ANKS6: variants seen among roughly 807,000 people sequenced by gnomAD.
The protein encoded by ANKS6 is ankyrin repeat and SAM domain-containing protein 6.
ANKS6 carries 47 observed loss-of-function variants against 77.9 expected under a neutral mutation model. That is an observed-to-expected ratio of 0.60 (90% confidence interval 0.48 to 0.77). The LOEUF (loss-of-function observed/expected upper bound fraction) is 0.77, where lower values mean the gene tolerates loss of function less well. Among genes scored for constraint, ANKS6 ranks in the 30% least tolerant of loss-of-function variants. The probability of loss-of-function intolerance (pLI) is 0.00; values close to 1 mark genes in which losing one functional copy is unlikely to be tolerated. For synonymous variants in ANKS6, 488 were observed against 501.7 expected (o/e 0.97, Z 0.37); for missense variants, 1,150 against 1,159.1 (o/e 0.99, Z 0.11).
At chr9:98,793,755 G>C (rs1341150950) in intron 1 of ANKS6, among the ~76,000 whole-genome samples, 1 of 151,272 alleles carries the variant, frequency 6.6e-6, no homozygotes, top group South Asian at 2.1e-4. Flanking sequence ...GGCTGGTCTC[G>C]ATCTCCTGAC....
intron 10 of ANKS6, among the ~76,000 whole-genome samples, chr9:98,770,613 G>GA (rs1833565847): frequency 1.3e-5 from 2 of 151,672 alleles, no homozygotes; most frequent in African/African-American, 4.8e-5. Context: ...TAAACACCAT[G>GA]AAAACATCAT....
chr9:98,760,639 T>C (rs1435220292), intron 11 of ANKS6, among the ~76,000 whole-genome samples: 1 of 152,226 alleles, frequency 6.6e-6, no homozygotes, highest in Non-Finnish European at 1.5e-5. Context: ...ATAAATGGAA[T>C]CACACAATTT....
At chr9:98,740,870 C>CT (rs1334765411) in intron 14 of ANKS6, among the ~76,000 whole-genome samples, 1 of 152,084 alleles carries the variant, frequency 6.6e-6, no homozygotes, top group Non-Finnish European at 1.5e-5. Context: ...AACAAGGTAC[C>CT]TTTTTTTGCC....
intron 13 of ANKS6, among the ~76,000 whole-genome samples, chr9:98,750,276 CT>C (rs11299948): frequency 0.67 from 101,727 of 151,770 alleles, 34,610 homozygotes; most frequent in Non-Finnish European, 0.73. Context: ...AAAGCACACC[CT>C]ACGTGCCTTT....
rs1831232121 is a variant in ANKS6 at position 98,732,058 on chromosome 9, T to C, written c.*4461A>G. 5.3e-6 allele frequency: 1 copy of C among 188,914 alleles called. No individual in the cohort carries two copies. The highest frequency in any genetic ancestry group is 1.1e-5 in the Non-Finnish European group (1 of 89,902). 11.7% of individuals were successfully genotyped at this position (188,914 alleles called of 1,614,324 possible). ...TATTAGGGAAAACATCAGGTCTCTT[T>C]ACACGTTGAACAGGAACTGCTGGTT... is the stretch of plus-strand genomic sequence containing the variant. On this transcript the variant is annotated 3_prime_UTR_variant, in exon 15 of 15. Coordinates refer to ENST00000353234, the MANE Select transcript of ANKS6 (RefSeq NM_173551.5).
In ANKS6 at chr9:98,767,478, C is replaced by A. The variant is rs1395351810; in HGVS notation, c.2142+603G>T. ...CAGCATCCTTCCTGCTCCACAACAA[C>A]CCCTATCACACTGAGCTGTGACTGC... On this transcript the variant is annotated intron_variant, in intron 11 of 14. Coordinates refer to ENST00000353234, the MANE Select transcript of ANKS6 (RefSeq NM_173551.5). Among the ~76,000 whole-genome samples the A allele has an allele frequency of 2.0e-5, 3 of 152,200 alleles. No homozygotes were observed. In the East Asian group the frequency reaches 5.8e-4, roughly 29 times the overall value.
In ANKS6 at chr9:98,768,066, A is replaced by C. The variant is rs141405901; in HGVS notation, c.2142+15T>G. On this transcript the variant is annotated intron_variant, in intron 11 of 14. Transcript: ENST00000353234. ...TCTGTGAGTGTAACAGGAGGAGGCC[A>C]CACAAAACAAGCACCTTGCCAACAG... 6.3e-7 allele frequency: 1 copy of C among 1,596,668 alleles called. No individual in the cohort carries two copies. Among genetic ancestry groups the C allele is most frequent in the African/African-American group, 1.3e-5 (1 of 74,892 alleles).
In ANKS6 at chr9:98,768,268, G is replaced by A. The variant is rs746201923; in HGVS notation, c.1973-18C>T. The A allele has an allele frequency of 3.1e-6, 5 of 1,613,422 alleles. No individual in the cohort carries two copies. The South Asian group carries it at 5.5e-5, about 18-fold the overall frequency. ...GCTGCCACCTGAGGAAACACAAAATGAGTGAACACCATGGGCACAGAGGGC... is the reference window on the plus strand; with the variant it reads ...GCTGCCACCTGAGGAAACACAAAATAAGTGAACACCATGGGCACAGAGGGC... On this transcript the variant is annotated intron_variant, in intron 10 of 14. Coordinates refer to ENST00000353234, the MANE Select transcript of ANKS6 (RefSeq NM_173551.5).
chr9:98,786,785 G>T (rs1453932538), intron 2 of ANKS6, among the ~76,000 whole-genome samples: 1 of 152,202 alleles, frequency 6.6e-6, no homozygotes, highest in Non-Finnish European at 1.5e-5. Context: ...TCACAGAAAA[G>T]AGTGTCACCT....
intron 1 of ANKS6, 197 bp downstream of exon 1, chr9:98,795,936 A>G (rs1835149441): frequency 1.9e-6 from 1 of 536,402 alleles, no homozygotes. Context: ...AATTTCTAAG[A>G]ATCTGATTTT....
Position 98,734,816 on chromosome 9 carries a change from CA to C in ANKS6, c.*1702del, listed in dbSNP as rs1831404699. 1.0e-6 allele frequency: 1 copy of C among 985,432 alleles called. No individual in the cohort carries two copies. Among genetic ancestry groups the C allele is most frequent in the South Asian group, 4.7e-5 (1 of 21,286 alleles). The allele number at this position is 985,432 out of a possible 1,614,324, so 61.0% of individuals were successfully genotyped here. ...GTGTGTCTCCTTAAAAAGGCTGGGA[CA>C]TTAGTAACCTTTGTAAAGGTGTCTA... On this transcript the variant is annotated 3_prime_UTR_variant, in exon 15 of 15. Coordinates refer to ENST00000353234, the MANE Select transcript of ANKS6 (RefSeq NM_173551.5).
chr9:98,772,618 G>C (rs1833702663), intron 9 of ANKS6, among the ~76,000 whole-genome samples: 1 of 152,200 alleles, frequency 6.6e-6, no homozygotes, highest in African/African-American at 2.4e-5. Context: ...GCACTCCTAA[G>C]GGAGGGACAG....
At chr9:98,748,249 C>A (rs1286444808) in intron 13 of ANKS6, among the ~76,000 whole-genome samples, 1 of 152,320 alleles carries the variant, frequency 6.6e-6, no homozygotes, top group South Asian at 2.1e-4. Context: ...CCAATTCTGA[C>A]CTCCGTCAAC....
In ANKS6 at chr9:98,796,542, C is replaced by G. The variant is rs1835190577; in HGVS notation, c.-51G>C. On this transcript the variant is annotated 5_prime_UTR_variant, in exon 1 of 15. Coordinates refer to ENST00000353234, the MANE Select transcript of ANKS6 (RefSeq NM_173551.5). Reference sequence around the variant, plus strand: ...CCGTCCGCCCCGCCGGCCGCGTCGGCTCCGCCCCCGGATACCGCCCGCAGG... The same window carrying G: ...CCGTCCGCCCCGCCGGCCGCGTCGGGTCCGCCCCCGGATACCGCCCGCAGG... The G allele has an allele frequency of 1.0e-6, 1 of 969,254 alleles. No individual in the cohort carries two copies. The highest frequency in any genetic ancestry group is 1.2e-6 in the Non-Finnish European group (1 of 816,134). 60.0% of individuals were successfully genotyped at this position (969,254 alleles called of 1,614,324 possible).
Position 98,736,320 on chromosome 9 carries a change from G to A in ANKS6, c.*199C>T, listed in dbSNP as rs75690065. 2.3e-3 allele frequency: 3,203 copies of A among 1,411,292 alleles called. 56 individuals carry two copies. In the African/African-American group the frequency reaches 0.042, roughly 19 times the overall value. 87.4% of individuals were successfully genotyped at this position (1,411,292 alleles called of 1,614,324 possible). On this transcript the variant is annotated 3_prime_UTR_variant, in exon 15 of 15. Coordinates refer to ENST00000353234, the MANE Select transcript of ANKS6 (RefSeq NM_173551.5). The stretch of plus-strand genomic sequence containing the variant: ...GCACCCCCACTGGACTGTTACATGG[G>A]AATCTGTCTCTGTGTGTTGAAGTTT...
At chr9:98,775,247 T>C (rs1833864555) in intron 8 of ANKS6, among the ~76,000 whole-genome samples, 1 of 152,218 alleles carries the variant, frequency 6.6e-6, no homozygotes, top group Non-Finnish European at 1.5e-5. Flanking sequence ...TTCACAACCT[T>C]TGACCCAGGA....
intron 2 of ANKS6, among the ~76,000 whole-genome samples, chr9:98,787,791 A>T (rs1042475209): frequency 1.3e-5 from 2 of 152,244 alleles, no homozygotes; most frequent in African/African-American, 4.8e-5. Flanking sequence ...CCACCCAGGT[A>T]CAGAGTGGGA....
intron 6 of ANKS6, 138 bp from the exon 7 acceptor site, chr9:98,778,562 T>C (rs1395403526): frequency 1.3e-6 from 1 of 744,084 alleles, no homozygotes; most frequent in African/African-American, 1.8e-5. Context: ...CAGACATTAC[T>C]GATCAATGAT....
chr9:98,791,797 CTCTG>C lies in ANKS6; in HGVS notation c.360-1195_360-1192del, dbSNP rs1293893950. On this transcript the variant is annotated intron_variant, in intron 1 of 14. Transcript: ENST00000353234. This position sits in a 1 kb window ranked among gnomAD's most constrained non-coding sequence, Gnocchi z 4.3. The stretch of plus-strand genomic sequence containing the variant: ...GGCTGGCGGCCAGGCCAGGGCTGAA[CTCTG>C]TCTGAGGCTCCGGCTGAATACCTTC... Among the ~76,000 whole-genome samples, 3 of 152,110 alleles carry C rather than the reference CTCTG, an allele frequency of 2.0e-5. No individual in the cohort carries two copies. Among genetic ancestry groups the C allele is most frequent in the African/African-American group, 4.8e-5 (2 of 41,420 alleles).
Sources: allele counts gnomAD v4.1 joint callset (sites outside exome capture counted in the v4.1 genomes callset), GRCh38; gene constraint gnomAD v4.1.1; non-coding constraint Gnocchi (gnomAD v3.1); transcripts MANE v1.5; gene names NCBI Gene and HGNC (gene_info 2026-07-23, HGNC 2026-07-21).